The following TBL1X variants were observed in gnomAD, a reference collection of about 807,000 sequenced individuals.
TBL1X encodes the protein transducin beta like 1 X-linked.
Under a neutral mutation model 50.7 loss-of-function variants are expected in TBL1X, and 10 were observed. The ratio of observed to expected loss-of-function variants is 0.20; its 90% CI spans 0.12 to 0.33. TBL1X has a LOEUF of 0.33. Among genes scored for constraint, TBL1X ranks in the 10% least tolerant of loss-of-function variants. The pLI, the probability that TBL1X is intolerant of heterozygous loss-of-function variation, is 1.00. For synonymous variants in TBL1X, 190 were observed against 214.7 expected (o/e 0.88, Z 1.01); for missense variants, 340 against 504.4 (o/e 0.67, Z 3.12).
chrX:9,526,766 A>G (rs931121013), intron 2 of TBL1X, among the ~76,000 whole-genome samples: 5 of 112,412 alleles, frequency 4.4e-5, no homozygotes, highest in African/African-American at 1.6e-4. Context: ...TGAATTTCAT[A>G]GAATATTCTG....
intron 2 of TBL1X, among the ~76,000 whole-genome samples, chrX:9,515,381 T>C (rs1231209043): frequency 8.9e-6 from 1 of 112,098 alleles, no homozygotes; most frequent in Non-Finnish European, 1.9e-5. Context: ...GAACCCAACA[T>C]CATCAGCACA....
At chrX:9,492,871 GT>G (rs1569206071) in intron 1 of TBL1X, among the ~76,000 whole-genome samples, 22 of 53,872 alleles carry the variant, frequency 4.1e-4, no homozygotes, top group Admixed American at 1.7e-3. Context: ...GTGTGTGTGT[GT>G]GTGTGTGTGT....
chrX:9,709,356 A>G, intron 14 of TBL1X, 34 bp downstream of exon 14: 4 of 1,193,544 alleles, frequency 3.4e-6, no homozygotes, highest in Non-Finnish European at 4.5e-6. Context: ...GGGCTGTTTA[A>G]TCCTAGACAA....
intron 13 of TBL1X, 99 bp downstream of exon 13, chrX:9,705,213 C>A: frequency 4.3e-6 from 5 of 1,161,257 alleles, no homozygotes; most frequent in Non-Finnish European, 3.5e-6. Context: ...CAGCAGCAGA[C>A]CAGCTCTAAT....
At chrX:9,549,974 C>A (rs1314998289) in intron 2 of TBL1X, among the ~76,000 whole-genome samples, 1 of 111,561 alleles carries the variant, frequency 9.0e-6, no homozygotes, top group East Asian at 2.8e-4. Flanking sequence ...TTCGTGACAC[C>A]CAGCCTTCAG....
intron 2 of TBL1X, chrX:9,637,401 C>T (rs2082753233): frequency 8.9e-6 from 1 of 111,842 alleles, no homozygotes; most frequent in Non-Finnish European, 1.9e-5. Context: ...AGAGGACTTC[C>T]GAAATCTGTA....
At position 9,597,749 on chromosome X, in the gene TBL1X, G is replaced by C. The variant is rs748719546; in HGVS notation, c.-130-42524G>C. On this transcript the variant is annotated intron_variant, in intron 2 of 17. Transcript: ENST00000645353. ...CGTCGGCATGGCCTTGCTCCTGGTG[G>C]TGCAGGCTCTGATGTTCCACTGATG... Among the ~76,000 whole-genome samples the C allele has an allele frequency of 1.5e-4, 17 of 112,481 alleles. No individual in the cohort carries two copies. The South Asian group carries it at 3.7e-3, about 24-fold the overall frequency.
intron 5 of TBL1X, among the ~76,000 whole-genome samples, chrX:9,659,792 C>T (rs6654901): frequency 0.079 from 8,828 of 111,788 alleles, 868 homozygotes; most frequent in African/African-American, 0.27. Flanking sequence ...ACAAGGCATA[C>T]TGGAAAGTAT....
chrX:9,611,554 G>A (rs180940059), intron 2 of TBL1X, among the ~76,000 whole-genome samples: 6 of 112,338 alleles, frequency 5.3e-5, no homozygotes, highest in South Asian at 3.7e-4. Flanking sequence ...TGCTTGTAAG[G>A]GGCAGGACTT....
chrX:9,545,924 G>A (rs1282325186), intron 2 of TBL1X, among the ~76,000 whole-genome samples: 1 of 111,575 alleles, frequency 9.0e-6, no homozygotes, highest in East Asian at 2.8e-4. Context: ...AGGAGTTTGG[G>A]GATTTGTCTG....
At chrX:9,509,248 G>A (rs187612639) in intron 2 of TBL1X, among the ~76,000 whole-genome samples, 146 of 104,746 alleles carry the variant, frequency 1.4e-3, no homozygotes, top group African/African-American at 4.6e-3. Flanking sequence ...AAAATTAGCC[G>A]GGCGTGGTGG....
intron 2 of TBL1X, among the ~76,000 whole-genome samples, chrX:9,556,210 C>A (rs4830649): frequency 0.44 from 44,295 of 101,549 alleles, 8,008 homozygotes; most frequent in Admixed American, 0.57. Flanking sequence ...CAAAACAAAA[C>A]AAAAAAAACA....
At chrX:9,683,931 C>T in intron 5 of TBL1X, 112 bp from the exon 6 acceptor site, 2 of 1,101,105 alleles carry the variant, frequency 1.8e-6, no homozygotes, top group Non-Finnish European at 2.5e-6. Flanking sequence ...CGTGTCTGTC[C>T]CTGCAAATTA....
intron 2 of TBL1X, among the ~76,000 whole-genome samples, chrX:9,623,119 A>G (rs964799669): frequency 9.0e-6 from 1 of 111,717 alleles, no homozygotes; most frequent in Admixed American, 9.5e-5. Context: ...CGTGACTCCT[A>G]TGATTTGATG....
intron 1 of TBL1X, among the ~76,000 whole-genome samples, chrX:9,469,055 A>G (rs1430903338): frequency 1.8e-5 from 2 of 111,028 alleles, no homozygotes; most frequent in African/African-American, 6.6e-5. Context: ...CCTGGGCTCC[A>G]GTGATCCTTC....
chrX:9,633,382 T>C (rs2082730717), intron 2 of TBL1X, among the ~76,000 whole-genome samples: 1 of 111,528 alleles, frequency 9.0e-6, no homozygotes, highest in Admixed American at 9.5e-5. Context: ...ATCAAGACTA[T>C]TCCAAAAGTG....
In TBL1X at chrX:9,691,497, T is replaced by A. The variant is rs755671719; in HGVS notation, c.617-82T>A. The A allele has an allele frequency of 4.4e-4, 439 of 995,158 alleles. 1 individual carries two copies. The African/African-American group carries it at 8.0e-3, about 18-fold the overall frequency. 82.0% of individuals were successfully genotyped at this position (995,158 alleles called of 1,213,427 possible). On this transcript the variant is annotated intron_variant, in intron 7 of 17. Transcript: ENST00000645353. The stretch of plus-strand genomic sequence containing the variant: ...GGTAGTATTTAGTACATAAAAAAAA[T>A]GTTTCTGGAAACAAAAGAGCCCTTT...
intron 5 of TBL1X, among the ~76,000 whole-genome samples, chrX:9,656,081 A>G (rs2082863637): frequency 8.9e-6 from 1 of 112,567 alleles, no homozygotes; most frequent in Non-Finnish European, 1.9e-5. Flanking sequence ...AAGTTGGTAT[A>G]CAAAACAAAA....
At chrX:9,564,422 G>A (rs2082338405) in intron 2 of TBL1X, among the ~76,000 whole-genome samples, 1 of 75,965 alleles carries the variant, frequency 1.3e-5, no homozygotes, top group South Asian at 6.2e-4. Context: ...TTGTAGTACA[G>A]ACTAGAGCAG....
Sources: gnomAD v4.1 joint callset for allele counts (sites outside exome capture counted in the v4.1 genomes callset) on GRCh38, gnomAD v4.1.1 for gene constraint, MANE v1.5 for transcripts, NCBI Gene and HGNC (gene_info 2026-07-23, HGNC 2026-07-21) for gene names.